The following TNR variants were observed in gnomAD, a reference collection of about 807,000 sequenced individuals.
The protein encoded by TNR is tenascin R, also known as tenascin-R.
TNR carries 45 observed loss-of-function variants against 150.4 expected under a neutral mutation model. That is an observed-to-expected ratio of 0.30 (90% CI 0.24 to 0.38). The LOEUF (loss-of-function observed/expected upper bound fraction) is 0.38, where lower values mean the gene tolerates loss of function less well. TNR is among the 10% of genes least tolerant of loss of function. The pLI, the probability that TNR is intolerant of heterozygous loss-of-function variation, is 1.00. For synonymous variants in TNR, 687 were observed against 678.4 expected, an observed-to-expected ratio of 1.01 and a Z score of -0.20; for missense variants, 1,544 against 1,759.1, an observed-to-expected ratio of 0.88 and a Z score of 2.19.
intron 2 of TNR, among the ~76,000 whole-genome samples, chr1:175,408,292 T>C (rs1040110587): frequency 3.3e-5 from 5 of 152,238 alleles, no homozygotes; most frequent in Non-Finnish European, 7.3e-5. Flanking sequence ...GATGGAAAGA[T>C]GAATTCATGA....
chr1:175,641,076 A>G (rs1664643260), intron 1 of TNR, among the ~76,000 whole-genome samples: 2 of 152,224 alleles, frequency 1.3e-5, no homozygotes, highest in Non-Finnish European at 2.9e-5. Flanking sequence ...TAATAAAAGA[A>G]CTCAAAGTGC....
Position 175,320,454 on chromosome 1 carries a change from T to C in TNR, c.*2903A>G, listed in dbSNP as rs1648976488. On this transcript the variant is annotated 3_prime_UTR_variant, in exon 23 of 23. Transcript: ENST00000367674. ...TCTTTCTTGCTTCAAAATAAAGCTATGCAATGCCGCTGGTACTATTTATAA... is the reference window on the plus strand; with the variant it reads ...TCTTTCTTGCTTCAAAATAAAGCTACGCAATGCCGCTGGTACTATTTATAA... 1 of 152,210 alleles carries C rather than the reference T, an allele frequency of 6.6e-6. No individual in the cohort carries two copies. The highest frequency in any genetic ancestry group is 2.4e-5 in the African/African-American group (1 of 41,442). The allele number at this position is 152,210 out of a possible 1,614,324, so 9.4% of individuals were successfully genotyped here.
intron 9 of TNR, among the ~76,000 whole-genome samples, chr1:175,375,927 A>C (rs925774314): frequency 6.6e-6 from 1 of 152,214 alleles, no homozygotes; most frequent in Non-Finnish European, 1.5e-5. Flanking sequence ...GGTAGATAGG[A>C]TGTCTTTTAG....
At chr1:175,456,306 C>T (rs368011052) in intron 2 of TNR, among the ~76,000 whole-genome samples, 3 of 152,320 alleles carry the variant, frequency 2.0e-5, no homozygotes, top group East Asian at 3.9e-4. Flanking sequence ...TTAAAGCGGA[C>T]TCTTCCCATA....
rs1167518826 is a variant in TNR at position 175,588,732 on chromosome 1, A to G, written c.-164-60363T>C. ...TACAGGTTTTGAAAATCATACTGTT[A>G]TAGATAACCCTCTCTTTTTACACAT... On this transcript the variant is annotated intron_variant, in intron 1 of 22. Transcript: ENST00000367674. Among the ~76,000 whole-genome samples the G allele has an allele frequency of 2.0e-5, 3 of 152,288 alleles. No homozygotes were observed. The East Asian group carries it at 5.8e-4, about 29-fold the overall frequency.
At chr1:175,624,520 G>C (rs1664083260) in intron 1 of TNR, among the ~76,000 whole-genome samples, 1 of 152,124 alleles carries the variant, frequency 6.6e-6, no homozygotes, top group East Asian at 1.9e-4. Flanking sequence ...CAGAGATTGA[G>C]GGAAGCAGAG....
At chr1:175,354,361 GA>G in intron 18 of TNR, 29 bp downstream of exon 18, 1 of 1,609,836 alleles carries the variant, frequency 6.2e-7, no homozygotes, top group Non-Finnish European at 8.5e-7. Context: ...AAGTGGAGAA[GA>G]AGGCATCAAA....
intron 1 of TNR, among the ~76,000 whole-genome samples, chr1:175,696,691 C>T (rs1242711854): frequency 6.6e-6 from 1 of 152,058 alleles, no homozygotes; most frequent in African/African-American, 2.4e-5. Context: ...ACCAGCCTGA[C>T]CAACATGGAG....
At chr1:175,701,040 C>T (rs1362415452) in intron 1 of TNR, among the ~76,000 whole-genome samples, 3 of 152,218 alleles carry the variant, frequency 2.0e-5, no homozygotes, top group Admixed American at 2.0e-4. Flanking sequence ...TCCTTTCACT[C>T]CACGCCCCTC....
At chr1:175,526,703 C>T (rs1020651675) in intron 2 of TNR, among the ~76,000 whole-genome samples, 5 of 152,340 alleles carry the variant, frequency 3.3e-5, no homozygotes, top group Non-Finnish European at 5.9e-5. Context: ...GCTTCAAATG[C>T]ATGGGAAATG....
At chr1:175,667,275 T>C (rs186295075) in intron 1 of TNR, among the ~76,000 whole-genome samples, 2 of 152,336 alleles carry the variant, frequency 1.3e-5, no homozygotes, top group East Asian at 3.9e-4. Context: ...CAGTTCATTG[T>C]GGATAGCAAG....
intron 2 of TNR, among the ~76,000 whole-genome samples, chr1:175,421,081 G>T (rs1654736793): frequency 6.6e-6 from 1 of 152,060 alleles, no homozygotes; most frequent in Admixed American, 6.5e-5. Context: ...TGAGGTGGGG[G>T]TGTGGGAGCT....
intron 1 of TNR, among the ~76,000 whole-genome samples, chr1:175,733,355 G>T (rs1667691665): frequency 6.6e-6 from 1 of 152,096 alleles, no homozygotes; most frequent in African/African-American, 2.4e-5. Context: ...AGAGAGACAG[G>T]TCTCTGCACT....
intron 2 of TNR, among the ~76,000 whole-genome samples, chr1:175,480,890 T>A (rs185023675): frequency 6.6e-6 from 1 of 152,336 alleles, no homozygotes. Flanking sequence ...CCTAGATCAC[T>A]TCTTATCCCT....
chr1:175,477,601 C>T (rs2102124576), intron 2 of TNR, among the ~76,000 whole-genome samples: 2 of 152,252 alleles, frequency 1.3e-5, no homozygotes, highest in Admixed American at 1.3e-4. Flanking sequence ...GACAAGCCCA[C>T]CACAATAGAA....
At position 175,359,567 on chromosome 1, in the gene TNR, C is replaced by T. The variant is rs772670811; in HGVS notation, c.2974+45G>A. On this transcript the variant is annotated intron_variant, in intron 15 of 22. Coordinates refer to ENST00000367674, the MANE Select transcript of TNR (RefSeq NM_003285.3). ...ATCATACTGGTCTGCAGCTCCAATT[C>T]CCACCATTCCCACCTGCCTGATCTG... is the stretch of plus-strand genomic sequence containing the variant. 1.5e-5 allele frequency: 24 copies of T among 1,612,060 alleles called. No individual in the cohort carries two copies. The Admixed American group carries it at 2.3e-4, about 16-fold the overall frequency.
chr1:175,423,979 T>C (rs778728764), intron 2 of TNR, among the ~76,000 whole-genome samples: 7 of 152,180 alleles, frequency 4.6e-5, no homozygotes, highest in African/African-American at 1.7e-4. Flanking sequence ...GCCCTAAAGA[T>C]AAATCAGTAA....
intron 7 of TNR, among the ~76,000 whole-genome samples, chr1:175,390,681 C>T (rs1653128929): frequency 6.6e-6 from 1 of 152,198 alleles, no homozygotes; most frequent in Admixed American, 6.5e-5. Flanking sequence ...AGTGACCCAA[C>T]CCATACCTAC....
intron 1 of TNR, among the ~76,000 whole-genome samples, chr1:175,610,200 T>C (rs961750770): frequency 4.6e-5 from 7 of 152,332 alleles, no homozygotes; most frequent in African/African-American, 1.7e-4. Flanking sequence ...CATGGGAATG[T>C]TGAGTTTTAC....
Sources: allele counts gnomAD v4.1 joint callset (sites outside exome capture counted in the v4.1 genomes callset), GRCh38; gene constraint gnomAD v4.1.1; transcripts MANE v1.5; gene names NCBI Gene and HGNC (gene_info 2026-07-23, HGNC 2026-07-21).